Variants in TMEM117 observed in about 807,000 individuals in gnomAD.
The protein encoded by TMEM117 is transmembrane protein 117.
A neutral mutation model predicts 52.4 loss-of-function variants in TMEM117; 27 were observed. The observed-to-expected ratio is 0.51, with a 90% CI of 0.38 to 0.71. TMEM117 has a LOEUF of 0.71. Ranked by LOEUF, TMEM117 falls within the 30% of genes least tolerant of loss-of-function variation. The probability of loss-of-function intolerance (pLI) is 0.00; values close to 1 mark genes in which losing one functional copy is unlikely to be tolerated. For synonymous variants in TMEM117, 215 were observed against 206.3 expected (o/e 1.04, Z -0.36); for missense variants, 556 against 630.5 (o/e 0.88, Z 1.26).
chr12:44,045,363 T>C (rs2137908905), intron 3 of TMEM117, among the ~76,000 whole-genome samples: 1 of 152,330 alleles, frequency 6.6e-6, no homozygotes, highest in South Asian at 2.1e-4. Context: ...GTTGACTATA[T>C]TGGACCTCTT....
chr12:43,814,848 G>A, the TMEM117 span, among the ~76,000 whole-genome samples: 4 of 150,424 alleles, frequency 2.7e-5, no homozygotes, highest in South Asian at 8.4e-4. Flanking sequence ...AGGTTCAAGC[G>A]ATTCTCCTGC....
intron 5 of TMEM117, among the ~76,000 whole-genome samples, chr12:44,256,704 G>C (rs1198402618): frequency 6.6e-6 from 1 of 151,854 alleles, no homozygotes; most frequent in Non-Finnish European, 1.5e-5. Flanking sequence ...AAATAACATG[G>C]GCTTTCATCT....
At chr12:44,008,759 A>C (rs1156846327) in intron 3 of TMEM117, 1 of 424,010 alleles carries the variant, frequency 2.4e-6, no homozygotes, top group Non-Finnish European at 4.7e-6. Flanking sequence ...CTGGTGTTTA[A>C]TAAGGTGGAA....
At chr12:44,141,488 G>C (rs774452838) in intron 3 of TMEM117, among the ~76,000 whole-genome samples, 2 of 151,872 alleles carry the variant, frequency 1.3e-5, no homozygotes, top group African/African-American at 4.8e-5. Flanking sequence ...GTATCCAGCC[G>C]CCTGTCTCTA....
At chr12:44,010,099 C>T in intron 3 of TMEM117, 1 of 477,348 alleles carries the variant, frequency 2.1e-6, no homozygotes, top group South Asian at 1.6e-5. Flanking sequence ...TAGCCCCCAT[C>T]TGGGGGTTCA....
At chr12:43,950,776 G>A (rs553498634) in intron 3 of TMEM117, among the ~76,000 whole-genome samples, 1 of 152,228 alleles carries the variant, frequency 6.6e-6, no homozygotes, top group South Asian at 2.1e-4. Flanking sequence ...TGTTTTAGAA[G>A]TAACAATTGT....
intron 6 of TMEM117, among the ~76,000 whole-genome samples, chr12:44,321,098 T>TTTGAA (rs1404230269): frequency 6.6e-6 from 1 of 152,246 alleles, no homozygotes; most frequent in Non-Finnish European, 1.5e-5. Flanking sequence ...GATAATTGTA[T>TTTGAA]TTGAATTGAT....
intron 4 of TMEM117, among the ~76,000 whole-genome samples, chr12:44,191,481 C>T (rs1470417533): frequency 6.6e-6 from 1 of 151,980 alleles, no homozygotes; most frequent in African/African-American, 2.4e-5. Flanking sequence ...AATTTTAGAT[C>T]TTAAAGGGTA....
At chr12:43,814,289 C>A in the TMEM117 span, among the ~76,000 whole-genome samples, 3 of 152,200 alleles carry the variant, frequency 2.0e-5, no homozygotes, top group East Asian at 5.8e-4. Flanking sequence ...AAGAAGGGAC[C>A]ACAGCAGCAG....
rs566337322 is a variant in TMEM117 at position 44,006,758 on chromosome 12, T to C, written c.410+62416T>C. Among the ~76,000 whole-genome samples the C allele has an allele frequency of 1.5e-3, 221 of 152,280 alleles. 3 individuals are homozygous for C. The highest frequency in any genetic ancestry group is 5.0e-3 in the African/African-American group (206 of 41,578). ...CTCCACTTTCATTTTTTTTTGTTTA[T>C]AAAATATTCACTATGTGTAAGTCTT... is the stretch of plus-strand genomic sequence containing the variant. On this transcript the variant is annotated intron_variant, in intron 3 of 7. Transcript: ENST00000266534.
At position 43,933,488 on chromosome 12, in the gene TMEM117, A is replaced by G. The variant is rs185552039; in HGVS notation, c.278-10722A>G. Among the ~76,000 whole-genome samples the G allele has an allele frequency of 4.6e-3, 702 of 152,250 alleles. 5 individuals are homozygous for G. Among genetic ancestry groups the G allele is most frequent in the African/African-American group, 0.016 (677 of 41,552 alleles). On this transcript the variant is annotated intron_variant, in intron 2 of 7. Transcript: ENST00000266534. ...AGTGCTGGGATTACAGGCGTGAGCC[A>G]CTGTGCCAGCCCAGTAATACTAATT...
intron 4 of TMEM117, among the ~76,000 whole-genome samples, chr12:44,172,449 C>G (rs1949059612): frequency 6.6e-6 from 1 of 152,200 alleles, no homozygotes; most frequent in Admixed American, 6.5e-5. Flanking sequence ...CGCTGTGTGT[C>G]TCTGTGTCTT....
chr12:44,375,114 C>T (rs544762866), intron 6 of TMEM117, among the ~76,000 whole-genome samples: 3 of 152,150 alleles, frequency 2.0e-5, no homozygotes, highest in Admixed American at 2.0e-4. Flanking sequence ...GCACGTTAAC[C>T]TCAGCAATAG....
chr12:44,080,440 G>T (rs1308184478), intron 3 of TMEM117, among the ~76,000 whole-genome samples: 1 of 152,122 alleles, frequency 6.6e-6, no homozygotes, highest in Admixed American at 6.5e-5. Flanking sequence ...CTCCCACCAG[G>T]TCCCTCCCAT....
intron 3 of TMEM117, among the ~76,000 whole-genome samples, chr12:43,966,143 A>T (rs560471371): frequency 1.3e-5 from 2 of 152,024 alleles, no homozygotes; most frequent in Non-Finnish European, 2.9e-5. Flanking sequence ...TTCTTTATCT[A>T]ATCCACCATT....
intron 3 of TMEM117, among the ~76,000 whole-genome samples, chr12:44,085,269 T>C (rs913519387): frequency 2.0e-5 from 3 of 152,196 alleles, no homozygotes; most frequent in Non-Finnish European, 4.4e-5. Context: ...TTTTTTCTAC[T>C]ACAGTGTCTA....
intron 3 of TMEM117, among the ~76,000 whole-genome samples, chr12:44,023,295 T>G (rs975002029): frequency 1.3e-5 from 2 of 152,228 alleles, no homozygotes; most frequent in Non-Finnish European, 2.9e-5. Flanking sequence ...ACGTGTGCAT[T>G]TGTCTTTATT....
At chr12:44,249,582 C>T (rs1217662880) in intron 5 of TMEM117, among the ~76,000 whole-genome samples, 1 of 152,168 alleles carries the variant, frequency 6.6e-6, no homozygotes, top group Non-Finnish European at 1.5e-5. Context: ...CACTACCTGG[C>T]TTCAAACTAT....
intron 3 of TMEM117, among the ~76,000 whole-genome samples, chr12:43,970,479 A>G (rs1032772149): frequency 4.6e-5 from 7 of 151,910 alleles, no homozygotes; most frequent in Admixed American, 1.3e-4. Context: ...TAGTAGAGAC[A>G]GGGTTTCGCC....
Sources: allele counts gnomAD v4.1 joint callset (sites outside exome capture counted in the v4.1 genomes callset), GRCh38; gene constraint gnomAD v4.1.1; transcripts MANE v1.5; gene names NCBI Gene and HGNC (gene_info 2026-07-23, HGNC 2026-07-21).